The following EVL variants were observed in gnomAD, a reference collection of about 807,000 sequenced individuals.
EVL encodes ena/VASP-like protein.
In EVL, 21 loss-of-function variants were observed where a neutral mutation model predicts 59.6. That is an observed-to-expected ratio of 0.35 (90% CI 0.25 to 0.51). The LOEUF (loss-of-function observed/expected upper bound fraction) is 0.51, where lower values mean the gene tolerates loss of function less well. Ranked by LOEUF, EVL falls within the 20% of genes least tolerant of loss-of-function variation. EVL has a pLI of 0.97. For missense variants in EVL, 462 were observed against 546.6 expected (o/e 0.85, Z 1.54); for synonymous variants, 198 against 203.5 (o/e 0.97, Z 0.23).
At chr14:100,115,853 T>C (rs921670882) in intron 3 of EVL, among the ~76,000 whole-genome samples, 3 of 152,192 alleles carry the variant, frequency 2.0e-5, no homozygotes, top group Non-Finnish European at 4.4e-5. Context: ...AATCAGGTAT[T>C]TGTCTCCTCC....
In EVL at chr14:100,114,203, G is replaced by A. The variant is rs1489639287; in HGVS notation, c.359-9336G>A. Among the ~76,000 whole-genome samples the A allele has an allele frequency of 1.3e-5, 2 of 152,096 alleles. No homozygotes were observed. The highest frequency in any genetic ancestry group is 3.9e-4 in the East Asian group (2 of 5,156). On this transcript the variant is annotated intron_variant, in intron 3 of 13. Coordinates refer to ENST00000392920, the MANE Select transcript of EVL (RefSeq NM_016337.3). The surrounding 1 kb of genome is among the most constrained non-coding windows in gnomAD (Gnocchi z 5.0). The stretch of plus-strand genomic sequence containing the variant: ...AATCAAATGAGCCTTACTTCTGTGA[G>A]CGGGTGCCAACTTGGTTTTCCCATA...
intron 1 of EVL, among the ~76,000 whole-genome samples, chr14:99,975,796 A>G (rs1278016329): frequency 6.6e-6 from 1 of 152,154 alleles, no homozygotes; most frequent in African/African-American, 2.4e-5. Flanking sequence ...GACCGATACT[A>G]GTTCATGTCC....
intron 1 of EVL, among the ~76,000 whole-genome samples, chr14:100,032,122 C>T (rs532222816): frequency 1.3e-5 from 2 of 152,278 alleles, no homozygotes; most frequent in South Asian, 2.1e-4. Context: ...TTTTTATGAG[C>T]AGGGCAATGA....
intron 1 of EVL, among the ~76,000 whole-genome samples, chr14:100,044,576 G>A (rs534275837): frequency 6.6e-6 from 1 of 152,280 alleles, no homozygotes; most frequent in African/African-American, 2.4e-5. Context: ...ACAGCATAAA[G>A]ACAGACCTGG....
At position 100,109,558 on chromosome 14, in the gene EVL, T is replaced by C. The variant is rs774596379; in HGVS notation, c.358+11900T>C. 2 of 474,922 alleles carry C rather than the reference T, an allele frequency of 4.2e-6. No individual in the cohort carries two copies. Among genetic ancestry groups the C allele is most frequent in the Admixed American group, 4.7e-5 (2 of 42,758 alleles). The allele number at this position is 474,922 out of a possible 1,614,324, so 29.4% of individuals were successfully genotyped here. A position where few individuals can be genotyped will look rare whatever the true frequency, so the allele number is the denominator to read the frequency against. The stretch of plus-strand genomic sequence containing the variant: ...CTCCCAGCTTGCGCCCATGTCATAT[T>C]GTGTGCCTCTCATAGCCTGGCACTT... On this transcript the variant is annotated intron_variant, in intron 3 of 13. Coordinates refer to ENST00000392920, the MANE Select transcript of EVL (RefSeq NM_016337.3). This position sits in a 1 kb window ranked among gnomAD's most constrained non-coding sequence, Gnocchi z 4.3.
intron 1 of EVL, among the ~76,000 whole-genome samples, chr14:99,991,733 C>A (rs2060876535): frequency 6.6e-6 from 1 of 151,884 alleles, no homozygotes; most frequent in Admixed American, 6.6e-5. Context: ...AGCAAGTATG[C>A]TTGGGGCAAA....
At chr14:100,008,345 C>T (rs972805585) in intron 1 of EVL, among the ~76,000 whole-genome samples, 2 of 152,296 alleles carry the variant, frequency 1.3e-5, no homozygotes, top group Non-Finnish European at 2.9e-5. Flanking sequence ...AGTTCTAATT[C>T]CATCTCTGAC....
At chr14:99,981,022 G>C (rs2060802411) in intron 1 of EVL, among the ~76,000 whole-genome samples, 1 of 151,114 alleles carries the variant, frequency 6.6e-6, no homozygotes, top group Non-Finnish European at 1.5e-5. Flanking sequence ...ATGGCTTGAG[G>C]CCAAAAGTTT....
intron 1 of EVL, among the ~76,000 whole-genome samples, chr14:100,027,330 T>C (rs368813108): frequency 6.6e-6 from 1 of 152,214 alleles, no homozygotes; most frequent in African/African-American, 2.4e-5. Flanking sequence ...ATTGTACTAC[T>C]GAACACTAAA....
rs1888223943 is a variant in EVL, at chr14:100,128,555, C to G, written c.524C>G (p.Ala175Gly). ...CCACCAGGACATCCTTCATCTGCAG[C>G]CAGCGCCCCCGTCTCATGTAGTGGG... is the stretch of plus-strand genomic sequence containing the variant. ...ILPPGHPSSA[A>G]SAPVSCSGPP... The change falls in exon 6 of 14, where the codon GCC becomes GGC. Residue 175 changes from alanine to glycine, a missense_variant. By Grantham distance (60) the Ala-to-Gly change is moderately conservative. Coordinates refer to ENST00000392920, the MANE Select transcript of EVL (RefSeq NM_016337.3). 6.2e-7 allele frequency: 1 copy of G among 1,611,166 alleles called. No homozygotes were observed. The highest frequency in any genetic ancestry group is 8.5e-7 in the Non-Finnish European group (1 of 1,179,690).
At chr14:100,038,771 G>GGGGTGTGTGTGTGTGTGT (rs375810603) in intron 1 of EVL, among the ~76,000 whole-genome samples, 23 of 141,006 alleles carry the variant, frequency 1.6e-4, no homozygotes, top group East Asian at 6.2e-4. Context: ...TGTGCCCTGG[G>GGGGTGTGTGTGTGTGTGT]GTGTGTGTGT....
At position 100,005,289 on chromosome 14, in the gene EVL, A is replaced by G. The variant is rs556508377; in HGVS notation, c.5+33232A>G. ...TGTGGACTAGACTGCCTAAAGCCAC[A>G]AGATTAGAAGTTATGGTAATTTTAC... On this transcript the variant is annotated intron_variant, in intron 1 of 13. Coordinates refer to the EVL transcript ENST00000402714. Among the ~76,000 whole-genome samples, 3 of 152,364 alleles carry G rather than the reference A, an allele frequency of 2.0e-5. No homozygotes were observed. The South Asian group carries it at 6.2e-4, about 32-fold the overall frequency.
At chr14:99,982,662 CTG>C (rs1248127119) in intron 1 of EVL, among the ~76,000 whole-genome samples, 1 of 152,150 alleles carries the variant, frequency 6.6e-6, no homozygotes, top group African/African-American at 2.4e-5. Context: ...CCCAGTTCCT[CTG>C]TGAGCGATTC....
chr14:100,044,237 A>G (rs144501765), intron 1 of EVL, among the ~76,000 whole-genome samples: 1 of 152,332 alleles, frequency 6.6e-6, no homozygotes, highest in African/African-American at 2.4e-5. Context: ...ACATGTGTGA[A>G]CCTGCGTAGC....
At chr14:100,010,788 G>T (rs564823538) in intron 1 of EVL, among the ~76,000 whole-genome samples, 2 of 152,216 alleles carry the variant, frequency 1.3e-5, no homozygotes, top group South Asian at 4.1e-4. Context: ...TGACAGGGAT[G>T]GGTTTGTGAA....
At chr14:100,005,197 A>G (rs2060970721) in intron 1 of EVL, among the ~76,000 whole-genome samples, 1 of 152,180 alleles carries the variant, frequency 6.6e-6, no homozygotes, top group South Asian at 2.1e-4. Context: ...CTTTGGGAGG[A>G]ACTTAGTTTA....
intron 13 of EVL, chr14:100,142,342 G>A (rs1955216435): frequency 6.5e-6 from 1 of 152,796 alleles, no homozygotes; most frequent in Admixed American, 6.5e-5. Flanking sequence ...TCCAGAGCAG[G>A]GTGGGTCTCA....
intron 1 of EVL, among the ~76,000 whole-genome samples, chr14:99,983,299 G>A (rs1000899004): frequency 1.3e-5 from 2 of 152,174 alleles, no homozygotes; most frequent in African/African-American, 4.8e-5. Context: ...GGACGTAGAG[G>A]CGATAATTGT....
intron 1 of EVL, among the ~76,000 whole-genome samples, chr14:99,990,510 T>A (rs184432094): frequency 6.6e-6 from 1 of 152,232 alleles, no homozygotes; most frequent in African/African-American, 2.4e-5. Flanking sequence ...TTCCCTCTCC[T>A]GACAGCCCTT....
Sources: gnomAD v4.1 joint callset for allele counts (sites outside exome capture counted in the v4.1 genomes callset) on GRCh38, gnomAD v4.1.1 for gene constraint, Gnocchi (gnomAD v3.1) non-coding constraint, MANE v1.5 for transcripts, NCBI Gene and HGNC (gene_info 2026-07-23, HGNC 2026-07-21) for gene names.